The following STRIP1 variants were observed in gnomAD, a reference collection of about 807,000 sequenced individuals.
The protein encoded by STRIP1 is striatin interacting protein 1.
A neutral mutation model predicts 106.2 loss-of-function variants in STRIP1; 63 were observed. The observed-to-expected ratio is 0.59, with a 90% CI of 0.48 to 0.73. The LOEUF (loss-of-function observed/expected upper bound fraction) is 0.73. Among genes scored for constraint, STRIP1 ranks in the 30% least tolerant of loss-of-function variants. The pLI, the probability that STRIP1 is intolerant of heterozygous loss-of-function variation, is 0.00. For synonymous variants in STRIP1, 390 were observed against 413.0 expected (o/e 0.94, Z 0.67); for missense variants, 857 against 1,074.8 (o/e 0.80, Z 2.83).
At position 110,054,240 on chromosome 1, in the gene STRIP1, G is replaced by A. The variant is rs918385924; in HGVS notation, c.*328G>A. 1.4e-5 allele frequency: 4 copies of A among 289,990 alleles called. No homozygotes were observed. The highest frequency in any genetic ancestry group is 6.5e-5 in the African/African-American group (3 of 46,336). The allele number at this position is 289,990 out of a possible 1,614,324, so 18.0% of individuals were successfully genotyped here. On this transcript the variant is annotated 3_prime_UTR_variant, in exon 21 of 21. Coordinates refer to ENST00000369795, the MANE Select transcript of STRIP1 (RefSeq NM_033088.4). ...GGAATGGGATGGGAACCCCTCCGCC[G>A]TGCATCTGAATTTCAGGGGTCATGC...
rs1217228638 is a variant in STRIP1, at chr1:110,053,676, C to T, written c.2278C>T (p.Arg760Trp). Residue 760 changes from arginine to tryptophan, a missense_variant, in exon 21 of 21, where the codon CGG becomes TGG. By Grantham distance (101) the Arg-to-Trp change is moderately radical. Around this residue, in one of 2 missense-constraint regions of STRIP1, gnomAD observed 750 missense variants for 989.8 expected, o/e 0.76. Transcript: ENST00000369795. ...DWAYGNDLDA[R>W]PWDFQAEECA... is the part of the protein sequence containing the mutation. Reference sequence around the variant, plus strand: ...CTGCTTTGTCTCAGATCTTGATGCCCGGCCTTGGGACTTCCAGGCAGAGGA... The same window carrying T: ...CTGCTTTGTCTCAGATCTTGATGCCTGGCCTTGGGACTTCCAGGCAGAGGA... 2.5e-6 allele frequency: 4 copies of T among 1,613,848 alleles called. No homozygotes were observed. The highest frequency in any genetic ancestry group is 2.2e-5 in the East Asian group (1 of 44,878).
rs574714538 is a variant in STRIP1, at chr1:110,047,994, C to A, written c.1661+125C>A. On this transcript the variant is annotated intron_variant, in intron 15 of 20. Coordinates refer to ENST00000369795, the MANE Select transcript of STRIP1 (RefSeq NM_033088.4). ...ACAGGTTAAATGTAGGTATTTTTGA[C>A]CCAAAAAAAGGAAACTACGAGATTA... is the stretch of plus-strand genomic sequence containing the variant. 6.5e-4 allele frequency: 530 copies of A among 816,552 alleles called. 8 individuals carry two copies. In the South Asian group the frequency reaches 8.9e-3, roughly 14 times the overall value. 50.6% of individuals were successfully genotyped at this position (816,552 alleles called of 1,614,324 possible).
intron 3 of STRIP1, 50 bp downstream of exon 3, chr1:110,038,807 G>C: frequency 6.5e-7 from 1 of 1,542,882 alleles, no homozygotes. Flanking sequence ...CATAACGAGA[G>C]CTGCAGGTTT....
At position 110,049,140 on chromosome 1, in the gene STRIP1, G is replaced by GGGGT; in HGVS notation, c.1693_1696dup (p.Asp566GlyfsTer12). The GGGGT allele has an allele frequency of 6.2e-7, 1 of 1,614,158 alleles. No individual in the cohort carries two copies. On this transcript the variant is annotated frameshift_variant, in exon 16 of 21. Coordinates refer to ENST00000369795, the MANE Select transcript of STRIP1 (RefSeq NM_033088.4). LOFTEE classifies it high-confidence loss of function. ...CACAGTGTTGCAGAGCATGAAGCTG[G>GGGGT]GGGTGGATGTAAACCGCCACAAAGA...
At position 110,046,431 on chromosome 1, in the gene STRIP1, C is replaced by T. The variant is rs563407850; in HGVS notation, c.1417-249C>T. On this transcript the variant is annotated intron_variant, in intron 12 of 20. Coordinates refer to ENST00000369795, the MANE Select transcript of STRIP1 (RefSeq NM_033088.4). ...AGGAAAATTGCTTGAACCTGGGAGG[C>T]GGAGGTGGCAGTGAGCCAAGATCAT... Among the ~76,000 whole-genome samples the T allele has an allele frequency of 5.3e-5, 8 of 152,148 alleles. No homozygotes were observed. The South Asian group carries it at 6.2e-4, about 12-fold the overall frequency.
intron 17 of STRIP1, chr1:110,050,077 T>C (rs954139024): frequency 2.1e-6 from 1 of 479,678 alleles, no homozygotes; most frequent in Non-Finnish European, 3.8e-6. Flanking sequence ...CCCACATTGA[T>C]TGCTGTGGGG....
Position 110,034,696 on chromosome 1 carries a change from C to T in STRIP1, c.59C>T (p.Pro20Leu), listed in dbSNP as rs1336287307. 4 of 1,514,878 alleles carry T rather than the reference C, an allele frequency of 2.6e-6. No individual in the cohort carries two copies. The highest frequency in any genetic ancestry group is 3.5e-6 in the Non-Finnish European group (4 of 1,133,598). The allele number at this position is 1,514,878 out of a possible 1,614,324, so 93.8% of individuals were successfully genotyped here. The change falls in exon 1 of 21, where the codon CCC becomes CTC. Residue 20 changes from proline (P) to leucine (L), a missense_variant. Around this residue, in one of 2 missense-constraint regions of STRIP1, gnomAD observed 107 missense variants for 85.1 expected, o/e 1.26. Transcript: ENST00000369795. ...ATCGTGAACAACAAACAGCCCCAGC[C>T]CCCGCCACCTCCGCCGCCGGCAGCC... ...PLIVNNKQPQ[P>L]PPPPPPAAAQ...
rs1222259242 is a variant in STRIP1 at position 110,043,923 on chromosome 1, A to T, written c.1286+67A>T. 2.8e-6 allele frequency: 4 copies of T among 1,428,598 alleles called. No individual in the cohort carries two copies. The African/African-American group carries it at 5.6e-5, about 20-fold the overall frequency. 88.5% of individuals were successfully genotyped at this position (1,428,598 alleles called of 1,614,324 possible). A position where few individuals can be genotyped will look rare whatever the true frequency, so the allele number is the denominator to read the frequency against. ...GAGCCCTCACACCCTCAGGCCTGCC[A>T]CCTGGCCTGTGTCACCATGTGTGGT... On this transcript the variant is annotated intron_variant, in intron 10 of 20. Transcript: ENST00000369795.
chr1:110,050,850 G>T, intron 18 of STRIP1, 106 bp from the exon 19 acceptor site: 1 of 699,536 alleles, frequency 1.4e-6, no homozygotes. Flanking sequence ...ATTCCTGGTA[G>T]AGGCCTGGAG....
chr1:110,052,735 GCTGGGATTAC>G, intron 20 of STRIP1, among the ~76,000 whole-genome samples: 1 of 152,260 alleles, frequency 6.6e-6, no homozygotes, highest in African/African-American at 2.4e-5. Context: ...CTCCCAAAGT[GCTGGGATTAC>G]AGGCATGATC....
upstream of STRIP1, chr1:110,034,468 A>C (rs1652330530): frequency 1.5e-6 from 1 of 682,188 alleles, no homozygotes; most frequent in Admixed American, 4.2e-5. Context: ...AAGATCAACA[A>C]GGGAAGGACT....
chr1:110,047,913 A>G (rs1184306452), intron 15 of STRIP1, 44 bp downstream of exon 15: 1 of 1,472,210 alleles, frequency 6.8e-7, no homozygotes, highest in East Asian at 2.5e-5. Context: ...CAGAAGATAG[A>G]TGGAGAAGGG....
In STRIP1 at chr1:110,043,502, C is replaced by T. The variant is rs368280223; in HGVS notation, c.1069-137C>T. On this transcript the variant is annotated intron_variant, in intron 9 of 20. Transcript: ENST00000369795. Reference sequence around the variant, plus strand: ...AAGAAGTAGTTGATGGTTTGGCCCCCGTCTTGACTCCCACTGTGGTTTTTC... The same window carrying T: ...AAGAAGTAGTTGATGGTTTGGCCCCTGTCTTGACTCCCACTGTGGTTTTTC... 892 of 892,310 alleles carry T rather than the reference C, an allele frequency of 1.0e-3. 8 individuals carry two copies. The South Asian group carries it at 0.013, about 13-fold the overall frequency. 55.3% of individuals were successfully genotyped at this position (892,310 alleles called of 1,614,324 possible). A position where few individuals can be genotyped will look rare whatever the true frequency, so the allele number is the denominator to read the frequency against.
At chr1:110,039,057 G>A (rs1469147956) in intron 3 of STRIP1, 115 bp from the exon 4 acceptor site, 1 of 1,188,274 alleles carries the variant, frequency 8.4e-7, no homozygotes, top group Non-Finnish European at 1.2e-6. Flanking sequence ...ACTTACATAG[G>A]GTGTAACTTA....
At chr1:110,039,944 T>A in intron 5 of STRIP1, 4 of 1,271,442 alleles carry the variant, frequency 3.1e-6, no homozygotes, top group African/African-American at 1.5e-5. Flanking sequence ...ACAGGTCAGC[T>A]GCTGCTCATC....
chr1:110,039,398 C>T lies in STRIP1; in HGVS notation c.464C>T (p.Thr155Met), dbSNP rs148067545. The T allele has an allele frequency of 7.1e-5, 115 of 1,614,104 alleles. No individual in the cohort carries two copies. The African/African-American group carries it at 7.2e-4, about 10-fold the overall frequency. The part of the protein sequence containing the change: ...ARAILYVAQG[T>M]FGECSSEAEV... ...TGAGTTGAACCCTGCATTGCAGGCA[C>T]GTTTGGGGAGTGCAGCTCGGAGGCA... Residue 155 changes from threonine to methionine, a missense_variant, in exon 5 of 21, where the codon ACG (threonine) becomes ATG (methionine). Transcript: ENST00000369795.
intron 6 of STRIP1, among the ~76,000 whole-genome samples, 196 bp downstream of exon 6, chr1:110,040,899 C>T (rs1021554951): frequency 3.3e-5 from 5 of 152,056 alleles, no homozygotes; most frequent in Non-Finnish European, 7.4e-5. Context: ...GTTGAGACTC[C>T]CAAAGGCAAT....
chr1:110,046,601 G>A (rs763641828), intron 12 of STRIP1, 79 bp from the exon 13 acceptor site: 3 of 1,258,556 alleles, frequency 2.4e-6, no homozygotes, highest in East Asian at 2.3e-5. Flanking sequence ...AGACAAATGT[G>A]TGGGGATTTT....
Position 110,051,007 on chromosome 1 carries a change from A to T in STRIP1, c.2008A>T (p.Asn670Tyr). The T allele has an allele frequency of 6.2e-7, 1 of 1,614,050 alleles. No individual in the cohort carries two copies. The highest frequency in any genetic ancestry group is 8.5e-7 in the Non-Finnish European group (1 of 1,179,892). Reference sequence around the variant, plus strand: ...CTGGAGGAACCTCTTTTCTTGTATCAATCTGCTTCGGATCTTGAACAAGCT... The same window carrying T: ...CTGGAGGAACCTCTTTTCTTGTATCTATCTGCTTCGGATCTTGAACAAGCT... ...FCWRNLFSCI[N>Y]LLRILNKLTK... Residue 670 changes from asparagine (N) to tyrosine (Y), a missense_variant, in exon 19 of 21, where the codon AAT becomes TAT. Asn to Tyr is a moderately radical substitution (Grantham distance 143). Around this residue, in one of 2 missense-constraint regions of STRIP1, gnomAD observed 750 missense variants for 989.8 expected, o/e 0.76. Coordinates refer to ENST00000369795, the MANE Select transcript of STRIP1 (RefSeq NM_033088.4).
Sources: gnomAD v4.1 joint callset for allele counts (sites outside exome capture counted in the v4.1 genomes callset) on GRCh38, gnomAD v4.1.1 for gene constraint, gnomAD v4.1.1 regional missense constraint, MANE v1.5 for transcripts, NCBI Gene and HGNC (gene_info 2026-07-23, HGNC 2026-07-21) for gene names.